The following CSMD1 variants were observed in gnomAD, a reference collection of about 807,000 sequenced individuals.
The protein encoded by CSMD1 is CUB and Sushi multiple domains 1, also known as CUB and sushi domain-containing protein 1.
Under a neutral mutation model 417.5 loss-of-function variants are expected in CSMD1, and 213 were observed. That is an observed-to-expected ratio of 0.51 (90% CI 0.46 to 0.57). The LOEUF (loss-of-function observed/expected upper bound fraction) is 0.57. Among genes scored for constraint, CSMD1 ranks in the 20% least tolerant of loss-of-function variants. The probability of loss-of-function intolerance (pLI) is 0.00; values close to 1 mark genes in which losing one functional copy is unlikely to be tolerated. For missense variants in CSMD1, 6,923 were observed against 4,529.7 expected (o/e 1.53, Z -15.17); for synonymous variants, 2,862 against 1,736.8 (o/e 1.65, Z -16.11).
chr8:4,794,757 G>C (rs890417078), intron 1 of CSMD1, among the ~76,000 whole-genome samples: 2 of 152,178 alleles, frequency 1.3e-5, no homozygotes, highest in African/African-American at 4.8e-5. Context: ...TGAGCCATTT[G>C]AATTCCATGC....
At chr8:4,462,043 A>G (rs190732745) in intron 2 of CSMD1, among the ~76,000 whole-genome samples, 3 of 151,876 alleles carry the variant, frequency 2.0e-5, no homozygotes, top group African/African-American at 7.2e-5. Flanking sequence ...TCTGGCTGCT[A>G]ATCTTATTTT....
At chr8:3,919,869 G>T (rs1011470324) in intron 5 of CSMD1, among the ~76,000 whole-genome samples, 1 of 151,850 alleles carries the variant, frequency 6.6e-6, no homozygotes, top group African/African-American at 2.4e-5. Context: ...TTTTCCCCAA[G>T]TATTTCATTC....
chr8:3,133,332 G>A (rs945154632), intron 41 of CSMD1, among the ~76,000 whole-genome samples: 2 of 152,142 alleles, frequency 1.3e-5, no homozygotes, highest in Non-Finnish European at 2.9e-5. Context: ...ACTACCCTCC[G>A]GGGATGCCGG....
At position 3,450,691 on chromosome 8, in the gene CSMD1, C is replaced by G. The variant is rs180858869; in HGVS notation, c.1561+18021G>C. Among the ~76,000 whole-genome samples the G allele has an allele frequency of 1.3e-5, 2 of 152,134 alleles. 1 individual carries two copies. The highest frequency in any genetic ancestry group is 1.3e-4 in the Admixed American group (2 of 15,282). On this transcript the variant is annotated intron_variant, in intron 12 of 69. Transcript: ENST00000635120. ...AGTATTCCATGGTGTATATGTGCCG[C>G]ATTTTCTTAATCCAGTCTATCATTG... is the stretch of plus-strand genomic sequence containing the variant.
intron 5 of CSMD1, among the ~76,000 whole-genome samples, chr8:3,831,279 G>C (rs940578498): frequency 6.6e-6 from 1 of 152,128 alleles, no homozygotes; most frequent in Non-Finnish European, 1.5e-5. Context: ...CTGCTCGTCA[G>C]GGGAGCTGCC....
intron 1 of CSMD1, among the ~76,000 whole-genome samples, chr8:4,920,946 GAA>G (rs869295785): frequency 7.9e-4 from 3 of 3,806 alleles, no homozygotes; most frequent in Non-Finnish European, 2.8e-3. Context: ...AAGAAAGAAA[GAA>G]AGAAAGAAAG....
intron 5 of CSMD1, among the ~76,000 whole-genome samples, chr8:3,894,095 C>A (rs191489793): frequency 6.6e-6 from 1 of 152,166 alleles, no homozygotes; most frequent in African/African-American, 2.4e-5. Context: ...GTCTCTTTCA[C>A]GGTGTTCCGT....
intron 2 of CSMD1, among the ~76,000 whole-genome samples, chr8:4,444,106 T>G (rs1490956077): frequency 2.6e-5 from 4 of 151,518 alleles, no homozygotes; most frequent in African/African-American, 9.7e-5. Flanking sequence ...CTTTGGGAGG[T>G]CGAGGCAGGT....
intron 1 of CSMD1, among the ~76,000 whole-genome samples, chr8:4,742,469 G>C (rs186927612): frequency 1.7e-3 from 265 of 151,970 alleles, no homozygotes; most frequent in African/African-American, 6.0e-3. Context: ...TTTACTTTTA[G>C]TCATTCACAT....
intron 8 of CSMD1, among the ~76,000 whole-genome samples, chr8:3,606,150 G>A (rs1469021151): frequency 6.6e-6 from 1 of 152,200 alleles, no homozygotes; most frequent in Non-Finnish European, 1.5e-5. Context: ...CCCTCGTTCT[G>A]CAGAGAGAAG....
intron 1 of CSMD1, among the ~76,000 whole-genome samples, chr8:4,718,465 C>T (rs1267117330): frequency 6.6e-6 from 1 of 152,002 alleles, no homozygotes; most frequent in Non-Finnish European, 1.5e-5. Context: ...AAACATCACT[C>T]CTGAAGACAG....
chr8:3,184,971 C>T (rs1328895039), intron 36 of CSMD1, among the ~76,000 whole-genome samples: 13 of 152,194 alleles, frequency 8.5e-5, no homozygotes, highest in Admixed American at 8.5e-4. Flanking sequence ...CTGTCACATC[C>T]CTGTTTTGTC....
intron 3 of CSMD1, among the ~76,000 whole-genome samples, chr8:4,123,548 G>A (rs1277206448): frequency 1.3e-5 from 2 of 152,142 alleles, no homozygotes; most frequent in Admixed American, 1.3e-4. Context: ...ATGTGAACTT[G>A]TAACACATTT....
At chr8:3,824,712 C>G (rs548885598) in intron 5 of CSMD1, among the ~76,000 whole-genome samples, 1 of 152,222 alleles carries the variant, frequency 6.6e-6, no homozygotes, top group Non-Finnish European at 1.5e-5. Flanking sequence ...TCTTTTTACT[C>G]CTTTTAATTT....
chr8:4,731,026 C>T (rs193079263), intron 1 of CSMD1, among the ~76,000 whole-genome samples: 1 of 152,230 alleles, frequency 6.6e-6, no homozygotes, highest in East Asian at 1.9e-4. Context: ...AGGCCCAAGA[C>T]GCTAACGAAT....
intron 7 of CSMD1, among the ~76,000 whole-genome samples, chr8:3,617,872 A>G (rs1348009277): frequency 6.6e-6 from 1 of 152,228 alleles, no homozygotes; most frequent in Non-Finnish European, 1.5e-5. Context: ...GTATACATAT[A>G]AATATACATT....
At chr8:4,161,578 C>G (rs1426688633) in intron 3 of CSMD1, among the ~76,000 whole-genome samples, 1 of 152,144 alleles carries the variant, frequency 6.6e-6, no homozygotes, top group Non-Finnish European at 1.5e-5. Context: ...CAGAGTTCAT[C>G]AAGCGGTACA....
rs934448993 is a variant in CSMD1 at position 4,885,961 on chromosome 8, G to A, written c.85+108371C>T. On this transcript the variant is annotated intron_variant, in intron 1 of 69. Coordinates refer to ENST00000635120, the MANE Select transcript of CSMD1 (RefSeq NM_033225.6). ...TTATCATTTTAGCTCTTACATTTAG[G>A]TCTCTGATCCTTTTTATTTACTTAT... Among the ~76,000 whole-genome samples, 7 of 151,022 alleles carry A rather than the reference G, an allele frequency of 4.6e-5. No individual in the cohort carries two copies. In the Admixed American group the frequency reaches 4.6e-4, roughly 10 times the overall value.
chr8:4,924,975 G>A (rs986274433), intron 1 of CSMD1, among the ~76,000 whole-genome samples: 1 of 151,888 alleles, frequency 6.6e-6, no homozygotes, highest in Non-Finnish European at 1.5e-5. Flanking sequence ...CATCCACCAT[G>A]GTGTCTACAT....
Sources: gnomAD v4.1 joint callset for allele counts (sites outside exome capture counted in the v4.1 genomes callset) on GRCh38, gnomAD v4.1.1 for gene constraint, MANE v1.5 for transcripts, NCBI Gene and HGNC (gene_info 2026-07-23, HGNC 2026-07-21) for gene names.